Variants in OSTN observed in about 807,000 individuals in gnomAD.
The protein encoded by OSTN is osteocrin.
OSTN carries 9 observed loss-of-function variants against 12.0 expected under a neutral mutation model. The ratio of observed to expected loss-of-function variants is 0.75; its 90% CI spans 0.45 to 1.30. The LOEUF (loss-of-function observed/expected upper bound fraction) is 1.30. Among genes scored for constraint, OSTN ranks in the 50% most tolerant of loss-of-function variants. The probability of loss-of-function intolerance (pLI) is 0.00; values close to 1 mark genes in which losing one functional copy is unlikely to be tolerated. For missense variants in OSTN, 148 were observed against 152.3 expected (o/e 0.97, Z 0.15); for synonymous variants, 59 against 56.9 (o/e 1.04, Z -0.16).
chr3:191,202,670 A>T (rs1400520256), intron 1 of OSTN, among the ~76,000 whole-genome samples: 1 of 152,206 alleles, frequency 6.6e-6, no homozygotes, highest in African/African-American at 2.4e-5. Context: ...AGATTTAAAT[A>T]TGCTATATTT....
intron 1 of OSTN, among the ~76,000 whole-genome samples, chr3:191,210,372 C>T (rs1714389422): frequency 6.6e-6 from 1 of 152,046 alleles, no homozygotes; most frequent in South Asian, 2.1e-4. Flanking sequence ...AGGAAAGAGC[C>T]ACAGTAACAA....
At chr3:191,249,436 C>A (rs1429305710) in intron 3 of OSTN, among the ~76,000 whole-genome samples, 1 of 152,154 alleles carries the variant, frequency 6.6e-6, no homozygotes, top group Middle Eastern at 3.2e-3. Context: ...TTTTATACTT[C>A]ATTTTAATAA....
chr3:191,236,225 C>G (rs62288508), intron 3 of OSTN, among the ~76,000 whole-genome samples: 2 of 152,140 alleles, frequency 1.3e-5, no homozygotes, highest in Non-Finnish European at 1.5e-5. Flanking sequence ...TTTTACTCAG[C>G]CTTTTAAAGC....
rs1275988406 is a variant in OSTN, at chr3:191,264,839, AT to A, written c.*1988del. ...TCTCATGGTAAATATTGGAAGTTGG[AT>A]TATGCAAATTGATTTCCTCCATTCT... is the stretch of plus-strand genomic sequence containing the variant. On this transcript the variant is annotated 3_prime_UTR_variant, in exon 5 of 5. Transcript: ENST00000682035. The A allele has an allele frequency of 6.6e-6, 1 of 152,220 alleles. No homozygotes were observed. The highest frequency in any genetic ancestry group is 2.4e-5 in the African/African-American group (1 of 41,468). The allele number at this position is 152,220 out of a possible 1,614,324, so 9.4% of individuals were successfully genotyped here. A position where few individuals can be genotyped will look rare whatever the true frequency, so the allele number is the denominator to read the frequency against.
At chr3:191,216,757 T>C (rs895171034) in intron 2 of OSTN, among the ~76,000 whole-genome samples, 1 of 152,200 alleles carries the variant, frequency 6.6e-6, no homozygotes, top group African/African-American at 2.4e-5. Context: ...AATTTCCTCA[T>C]CTGCATCTGA....
At chr3:191,211,552 T>C (rs190735162) in intron 1 of OSTN, among the ~76,000 whole-genome samples, 17 of 152,312 alleles carry the variant, frequency 1.1e-4, no homozygotes, top group African/African-American at 4.1e-4. Context: ...AGGTAAGAGA[T>C]AAGCATTTTC....
At chr3:191,256,247 TTATATAAATATAA>T (rs1715667060) in intron 4 of OSTN, among the ~76,000 whole-genome samples, 1 of 152,106 alleles carries the variant, frequency 6.6e-6, no homozygotes, top group African/African-American at 2.4e-5. Context: ...AATAACACAC[TTATATAAATATAA>T]TGCAAAGTAA....
At chr3:191,239,464 CA>C (rs1275961262) in intron 3 of OSTN, among the ~76,000 whole-genome samples, 1 of 152,154 alleles carries the variant, frequency 6.6e-6, no homozygotes, top group Non-Finnish European at 1.5e-5. Flanking sequence ...TCAAATTAAA[CA>C]TGCCAGTACA....
chr3:191,236,960 T>G (rs942269552), intron 3 of OSTN, among the ~76,000 whole-genome samples: 1 of 152,144 alleles, frequency 6.6e-6, no homozygotes, highest in Non-Finnish European at 1.5e-5. Context: ...CCTGAGATTA[T>G]GTTGATATAA....
Position 191,241,167 on chromosome 3 carries a change from CTTTTTTTTTTTTT to C in OSTN, c.318-8853_318-8841del, listed in dbSNP as rs575332839. 7.7e-4 allele frequency among the ~76,000 whole-genome samples: 36 copies of C among 46,466 alleles called. 1 individual carries two copies. The highest frequency in any genetic ancestry group is 1.5e-3 in the African/African-American group (29 of 18,956). The allele number at this position is 46,466 out of a possible 152,430, so 30.5% of individuals were successfully genotyped here. The stretch of plus-strand genomic sequence containing the variant: ...AAGTTGGTGGAGCTCTGTGCCTTGA[CTTTTTTTTTTTTT>C]TTTTTTTTTTTTTTTTGAGACGGAG... On this transcript the variant is annotated intron_variant, in intron 3 of 4. Transcript: ENST00000682035.
intron 1 of OSTN, among the ~76,000 whole-genome samples, chr3:191,203,356 T>A (rs931266610): frequency 6.6e-6 from 1 of 152,174 alleles, no homozygotes. Flanking sequence ...CATCCAGATC[T>A]GGGGGTTTAA....
chr3:191,252,707 T>G (rs1330198459), intron 4 of OSTN, among the ~76,000 whole-genome samples: 2 of 152,234 alleles, frequency 1.3e-5, no homozygotes, highest in African/African-American at 4.8e-5. Flanking sequence ...TTTGTTTACT[T>G]CCTCATGTGA....
chr3:191,232,331 T>TAAAAAAAAAAAAAAAAAAAAAAA (rs61313474), intron 3 of OSTN, among the ~76,000 whole-genome samples: 3 of 67,490 alleles, frequency 4.4e-5, no homozygotes, highest in African/African-American at 1.8e-4. Flanking sequence ...AGACTCTGTC[T>TAAAAAAAAAAAAAAAAAAAAAAA]AAAAAAAAAA....
intron 2 of OSTN, among the ~76,000 whole-genome samples, chr3:191,214,850 C>A (rs1208449882): frequency 3.3e-5 from 5 of 151,842 alleles, no homozygotes; most frequent in African/African-American, 7.3e-5. Context: ...CCATCTCTAC[C>A]AAAAATGCAA....
At chr3:191,259,233 C>T (rs543321182) in intron 4 of OSTN, among the ~76,000 whole-genome samples, 6 of 148,334 alleles carry the variant, frequency 4.0e-5, no homozygotes, top group Admixed American at 1.3e-4. Context: ...CTTGCTTTGT[C>T]GCCCAGACTG....
At chr3:191,208,261 C>A (rs1357003302) in intron 1 of OSTN, among the ~76,000 whole-genome samples, 1 of 152,162 alleles carries the variant, frequency 6.6e-6, no homozygotes, top group African/African-American at 2.4e-5. Flanking sequence ...AAATCATGGG[C>A]TATATTTATC....
At chr3:191,239,194 A>T (rs1170984411) in intron 3 of OSTN, among the ~76,000 whole-genome samples, 1 of 152,246 alleles carries the variant, frequency 6.6e-6, no homozygotes, top group Admixed American at 6.5e-5. Context: ...TGCAAATGAA[A>T]GTACACTCCA....
intron 3 of OSTN, among the ~76,000 whole-genome samples, chr3:191,242,026 T>G (rs1156492363): frequency 1.3e-5 from 2 of 152,140 alleles, no homozygotes; most frequent in Non-Finnish European, 2.9e-5. Context: ...AATACCATTA[T>G]CATGTTGTTT....
intron 1 of OSTN, among the ~76,000 whole-genome samples, chr3:191,200,837 A>G (rs1441197691): frequency 1.3e-5 from 2 of 152,206 alleles, no homozygotes; most frequent in Non-Finnish European, 2.9e-5. Flanking sequence ...CCTACCAGAC[A>G]ACTTTTGCTT....
Sources: allele counts gnomAD v4.1 joint callset (sites outside exome capture counted in the v4.1 genomes callset), GRCh38; gene constraint gnomAD v4.1.1; transcripts MANE v1.5; gene names NCBI Gene and HGNC (gene_info 2026-07-23, HGNC 2026-07-21).